HACD4: variants seen among roughly 807,000 people sequenced by gnomAD.
HACD4 encodes the protein very-long-chain (3R)-3-hydroxyacyl-CoA dehydratase 4.
A neutral mutation model predicts 33.3 loss-of-function variants in HACD4; 35 were observed. The ratio of observed to expected loss-of-function variants is 1.05; its 90% CI spans 0.80 to 1.39. The LOEUF is 1.39. Ranked by LOEUF, HACD4 falls within the 40% of genes most tolerant of loss-of-function variation. HACD4 has a pLI of 0.00. For missense variants in HACD4, 323 were observed against 276.5 expected, an observed-to-expected ratio of 1.17 and a Z score of -1.19; for synonymous variants, 118 against 98.0, an observed-to-expected ratio of 1.20 and a Z score of -1.21.
At chr9:21,016,498 C>G (rs1842558828) in intron 3 of HACD4, among the ~76,000 whole-genome samples, 1 of 152,198 alleles carries the variant, frequency 6.6e-6, no homozygotes, top group Non-Finnish European at 1.5e-5. Context: ...TGCTACATTT[C>G]ATTTCATCCA....
intron 3 of HACD4, among the ~76,000 whole-genome samples, chr9:21,021,853 T>C (rs1288169556): frequency 1.3e-5 from 2 of 152,162 alleles, no homozygotes; most frequent in African/African-American, 4.8e-5. Context: ...TACCAATGAC[T>C]TTCTTCACGG....
intron 3 of HACD4, among the ~76,000 whole-genome samples, chr9:21,025,984 C>T (rs1390821863): frequency 1.3e-5 from 2 of 151,984 alleles, no homozygotes; most frequent in African/African-American, 2.4e-5. Context: ...GATTTGAATC[C>T]GGGTCTGTGT....
At chr9:21,020,908 A>C (rs919407922) in intron 3 of HACD4, among the ~76,000 whole-genome samples, 1 of 152,160 alleles carries the variant, frequency 6.6e-6, no homozygotes, top group Admixed American at 6.5e-5. Context: ...TTCCTTTCAT[A>C]TGTAATTTTA....
rs748599796 is a variant in HACD4 at position 21,026,641 on chromosome 9, T to A, written c.225A>T (p.Ile75=). The A allele has an allele frequency of 1.2e-6, 2 of 1,613,470 alleles. No homozygotes were observed. Among genetic ancestry groups the A allele is most frequent in the African/African-American group, 2.7e-5 (2 of 74,910 alleles). The change falls in exon 3 of 7, where the codon ATA becomes ATT. Residue 75 remains isoleucine, a synonymous_variant. Transcript: ENST00000495827. ...GATGGTTTGACTCAATGCCAACATA[T>A]ATGTGCAGCAGTTCCAGGAGAGATA... ...QSVSLLELLH[I]YVGIESNHLL...
chr9:21,008,239 T>G (rs1054209741), intron 5 of HACD4, 93 bp from the exon 6 acceptor site: 19 of 1,126,592 alleles, frequency 1.7e-5, no homozygotes, highest in Non-Finnish European at 2.1e-5. Context: ...ATATTTTGAA[T>G]TTGATAATGA....
chr9:21,007,157 T>C, intron 6 of HACD4, 38 bp from the exon 7 acceptor site: 1 of 1,025,364 alleles, frequency 9.8e-7, no homozygotes, highest in South Asian at 1.3e-5. Context: ...TAAGTAAGGT[T>C]AACTATTTCT....
chr9:21,010,740 G>T (rs963257575), intron 5 of HACD4, among the ~76,000 whole-genome samples: 14 of 152,126 alleles, frequency 9.2e-5, no homozygotes, highest in Admixed American at 4.6e-4. Flanking sequence ...TGCAGAATCA[G>T]TGGGAGCCCT....
chr9:21,016,125 A>G, intron 3 of HACD4, 115 bp from the exon 4 acceptor site: 2 of 631,988 alleles, frequency 3.2e-6, no homozygotes, highest in South Asian at 4.1e-5. Flanking sequence ...GGAAATATGT[A>G]TACTAAACTG....
intron 3 of HACD4, 29 bp downstream of exon 3, chr9:21,026,566 AT>A: frequency 6.4e-7 from 1 of 1,558,506 alleles, no homozygotes; most frequent in Non-Finnish European, 8.7e-7. Flanking sequence ...AATGAAACAG[AT>A]TCTATAATAA....
intron 5 of HACD4, among the ~76,000 whole-genome samples, chr9:21,010,603 C>CA (rs1250931914): frequency 6.6e-6 from 1 of 152,072 alleles, no homozygotes; most frequent in Non-Finnish European, 1.5e-5. Context: ...TTGTGGAAGA[C>CA]AGTTTTTCCA....
intron 1 of HACD4, 135 bp downstream of exon 1, chr9:21,031,418 G>T (rs532488338): frequency 7.6e-6 from 10 of 1,315,688 alleles, no homozygotes; most frequent in African/African-American, 1.6e-5. Context: ...GCTCCAAGGG[G>T]TGCCTGGGCA....
rs778267105 is a variant in HACD4 at position 21,007,116 on chromosome 9, A to G, written c.620T>C (p.Met207Thr). ...KIYLMMLFIGMYFTYSHLYSE... is the reference protein window; with the variant it reads ...KIYLMMLFIGTYFTYSHLYSE... ...GTATAGATGACTGTAGGTAAAATAC[A>G]TACCTAATATGGAGAAAGAAGTTGC... The change falls in exon 7 of 7, where the codon ATG becomes ACG. Residue 207 changes from methionine to threonine, a missense_variant. By Grantham distance (81) the Met-to-Thr change is moderately conservative. Transcript: ENST00000495827. 1 of 1,462,602 alleles carries G rather than the reference A, an allele frequency of 6.8e-7. No individual in the cohort carries two copies. The highest frequency in any genetic ancestry group is 1.7e-5 in the Admixed American group (1 of 59,688). 90.6% of individuals were successfully genotyped at this position (1,462,602 alleles called of 1,614,324 possible). A position where few individuals can be genotyped will look rare whatever the true frequency, so the allele number is the denominator to read the frequency against.
chr9:21,010,747 C>A (rs1387297737), intron 5 of HACD4, among the ~76,000 whole-genome samples: 1 of 151,942 alleles, frequency 6.6e-6, no homozygotes, highest in Non-Finnish European at 1.5e-5. Flanking sequence ...TCAGTGGGAG[C>A]CCTGAGCTTA....
intron 3 of HACD4, among the ~76,000 whole-genome samples, chr9:21,019,388 T>C (rs1337786302): frequency 6.6e-6 from 1 of 152,122 alleles, no homozygotes; most frequent in African/African-American, 2.4e-5. Flanking sequence ...TTAGCATCTA[T>C]TGTTACATAG....
intron 6 of HACD4, 151 bp downstream of exon 6, chr9:21,007,870 C>A: frequency 1.7e-6 from 1 of 574,510 alleles, no homozygotes; most frequent in East Asian, 3.2e-5. Context: ...ATTATAACCT[C>A]CAGGGGCTTT....
In HACD4 at chr9:21,011,723, A is replaced by G. The variant is rs10511697; in HGVS notation, c.384-28T>C. The G allele has an allele frequency of 4.9e-3, 6,001 of 1,228,640 alleles. 151 individuals carry two copies. In the East Asian group the frequency reaches 0.057, roughly 12 times the overall value. The allele number at this position is 1,228,640 out of a possible 1,614,324, so 76.1% of individuals were successfully genotyped here. Reference sequence around the variant, plus strand: ...GAAAGGAGATGAGAAGCTCATAAACATCATTTTCTGCTAATATCTGGGAAA... The same window carrying G: ...GAAAGGAGATGAGAAGCTCATAAACGTCATTTTCTGCTAATATCTGGGAAA... On this transcript the variant is annotated intron_variant, in intron 4 of 6. Transcript: ENST00000495827.
At chr9:21,021,777 T>C (rs1817920092) in intron 3 of HACD4, among the ~76,000 whole-genome samples, 7 of 152,078 alleles carry the variant, frequency 4.6e-5, no homozygotes, top group Admixed American at 4.6e-4. Context: ...GTAGGAAGAA[T>C]CAATATCGTG....
At chr9:21,026,222 G>A (rs1818056949) in intron 3 of HACD4, among the ~76,000 whole-genome samples, 1 of 152,180 alleles carries the variant, frequency 6.6e-6, no homozygotes, top group Non-Finnish European at 1.5e-5. Flanking sequence ...CATAGTATGG[G>A]TGGTATGATC....
Position 21,010,459 on chromosome 9 carries a change from C to T in HACD4, c.490+1130G>A, listed in dbSNP as rs968740224. Among the ~76,000 whole-genome samples, 4 of 22,404 alleles carry T rather than the reference C, an allele frequency of 1.8e-4. 1 individual carries two copies. The highest frequency in any genetic ancestry group is 5.7e-4 in the Non-Finnish European group (4 of 7,072). 14.7% of individuals were successfully genotyped at this position (22,404 alleles called of 152,430 possible). A position where few individuals can be genotyped will look rare whatever the true frequency, so the allele number is the denominator to read the frequency against. On this transcript the variant is annotated intron_variant, in intron 5 of 6. Transcript: ENST00000495827. ...AAACAGACTCAGACATCCTGGTACC[C>T]CCCCCCCCCCCAGAGCTTACAGTCT...
Sources: allele counts gnomAD v4.1 joint callset (sites outside exome capture counted in the v4.1 genomes callset), GRCh38; gene constraint gnomAD v4.1.1; transcripts MANE v1.5; gene names NCBI Gene and HGNC (gene_info 2026-07-23, HGNC 2026-07-21).